Variants in PRKCA observed in about 807,000 individuals in gnomAD.
PRKCA encodes the protein protein kinase C alpha, also known as protein kinase C alpha type.
PRKCA carries 27 observed loss-of-function variants against 87.0 expected under a neutral mutation model. The ratio of observed to expected loss-of-function variants is 0.31; its 90% CI spans 0.23 to 0.43. The LOEUF (loss-of-function observed/expected upper bound fraction) is 0.43, where lower values mean the gene tolerates loss of function less well. PRKCA is among the 20% of genes least tolerant of loss of function. PRKCA has a pLI of 1.00. For missense variants in PRKCA, 518 were observed against 852.3 expected, an observed-to-expected ratio of 0.61 and a Z score of 4.88; for synonymous variants, 329 against 311.1, an observed-to-expected ratio of 1.06 and a Z score of -0.61.
chr17:66,535,489 C>T (rs761449291), intron 3 of PRKCA, among the ~76,000 whole-genome samples: 4 of 152,160 alleles, frequency 2.6e-5, no homozygotes, highest in Non-Finnish European at 5.9e-5. Context: ...ATTCCCCCAC[C>T]CCTGCTGCCA....
At chr17:66,613,521 A>G (rs1970428749) in intron 3 of PRKCA, among the ~76,000 whole-genome samples, 1 of 152,162 alleles carries the variant, frequency 6.6e-6, no homozygotes, top group Admixed American at 6.5e-5. Context: ...TAGAAGTCCA[A>G]AAGACACCCA....
intron 3 of PRKCA, among the ~76,000 whole-genome samples, chr17:66,587,371 T>C (rs1969627963): frequency 6.6e-6 from 1 of 152,206 alleles, no homozygotes; most frequent in Non-Finnish European, 1.5e-5. Context: ...GTTTTACATT[T>C]TATATAAATT....
At chr17:66,439,814 G>A (rs1913626647) in intron 2 of PRKCA, among the ~76,000 whole-genome samples, 1 of 152,206 alleles carries the variant, frequency 6.6e-6, no homozygotes, top group Non-Finnish European at 1.5e-5. Flanking sequence ...AACCTTTTGT[G>A]CATTTTACCT....
At position 66,752,938 on chromosome 17, in the gene PRKCA, G is replaced by A. The variant is rs562844636; in HGVS notation, c.1524+10178G>A. Among the ~76,000 whole-genome samples, 5 of 152,338 alleles carry A rather than the reference G, an allele frequency of 3.3e-5. No individual in the cohort carries two copies. In the East Asian group the frequency reaches 9.6e-4, roughly 29 times the overall value. On this transcript the variant is annotated intron_variant, in intron 13 of 16. Transcript: ENST00000413366. ...GTGAGGACCAGGCAAGAGGGCCCCT[G>A]CCTTGTGTTTTAGAGCAGAGCTGAG... is the stretch of plus-strand genomic sequence containing the variant.
intron 14 of PRKCA, chr17:66,775,269 C>A: frequency 1.0e-6 from 1 of 985,110 alleles, no homozygotes; most frequent in East Asian, 1.2e-4. Context: ...TTCTCCTGTC[C>A]GTCAGCCCTA....
chr17:66,748,092 A>G (rs1974340373), intron 13 of PRKCA, among the ~76,000 whole-genome samples: 1 of 152,214 alleles, frequency 6.6e-6, no homozygotes, highest in Non-Finnish European at 1.5e-5. Flanking sequence ...TGAAATTTCC[A>G]GGGAAGAAGC....
chr17:66,309,063 C>A (rs1904965025), intron 2 of PRKCA, among the ~76,000 whole-genome samples: 1 of 152,138 alleles, frequency 6.6e-6, no homozygotes, highest in Non-Finnish European at 1.5e-5. Flanking sequence ...TGCTTTCTGT[C>A]CACTAGTATG....
rs1302614799 is a variant in PRKCA at position 66,634,323 on chromosome 17, G to C, written c.289-7032G>C. Among the ~76,000 whole-genome samples the C allele has an allele frequency of 2.6e-5, 4 of 152,268 alleles. No individual in the cohort carries two copies. The South Asian group carries it at 6.2e-4, about 24-fold the overall frequency. On this transcript the variant is annotated intron_variant, in intron 3 of 16. Coordinates refer to ENST00000413366, the MANE Select transcript of PRKCA (RefSeq NM_002737.3). ...TCCCAACCACATATATGACAGAAGT[G>C]TCTGAGCTGTATTTTTCCCTCTTTC... is the stretch of plus-strand genomic sequence containing the variant.
intron 8 of PRKCA, among the ~76,000 whole-genome samples, chr17:66,708,364 G>A (rs1973240039): frequency 6.6e-6 from 1 of 152,140 alleles, no homozygotes; most frequent in African/African-American, 2.4e-5. Context: ...GGGACCTCTT[G>A]CAGATGTGTA....
chr17:66,675,934 A>G (rs934301504), intron 5 of PRKCA, among the ~76,000 whole-genome samples: 1 of 152,108 alleles, frequency 6.6e-6, no homozygotes, highest in Non-Finnish European at 1.5e-5. Flanking sequence ...TAGAGGTTCC[A>G]AGTCAGAGCC....
intron 15 of PRKCA, 29 bp from the exon 16 acceptor site, chr17:66,788,810 T>C: frequency 6.2e-7 from 1 of 1,606,594 alleles, no homozygotes. Flanking sequence ...TGACATCCAT[T>C]GTTCTCCTTT....
chr17:66,317,070 A>G (rs1410385110), intron 2 of PRKCA, among the ~76,000 whole-genome samples: 2 of 152,020 alleles, frequency 1.3e-5, no homozygotes, highest in Non-Finnish European at 2.9e-5. Flanking sequence ...TGAACCCGGA[A>G]AGCGGAGCTT....
At chr17:66,577,852 T>C (rs1009779716) in intron 3 of PRKCA, among the ~76,000 whole-genome samples, 2 of 151,414 alleles carry the variant, frequency 1.3e-5, no homozygotes, top group African/African-American at 4.9e-5. Flanking sequence ...GGGTAGGGAG[T>C]GGGGTGCTGC....
intron 13 of PRKCA, among the ~76,000 whole-genome samples, chr17:66,764,869 A>G (rs1974762771): frequency 6.6e-6 from 1 of 152,174 alleles, no homozygotes; most frequent in African/African-American, 2.4e-5. Context: ...ACCTGCTCCT[A>G]TCCCCATAGG....
intron 3 of PRKCA, among the ~76,000 whole-genome samples, chr17:66,576,464 C>G (rs935582428): frequency 1.3e-5 from 2 of 152,332 alleles, no homozygotes; most frequent in East Asian, 1.9e-4. Context: ...CTGGACCAGT[C>G]TATAATTTGA....
intron 2 of PRKCA, among the ~76,000 whole-genome samples, chr17:66,420,912 A>C (rs1912453450): frequency 6.6e-6 from 1 of 152,214 alleles, no homozygotes; most frequent in Non-Finnish European, 1.5e-5. Flanking sequence ...AACCCCCTTC[A>C]CATAATGAGA....
chr17:66,364,789 T>G (rs1296571411), intron 2 of PRKCA, among the ~76,000 whole-genome samples: 4 of 152,218 alleles, frequency 2.6e-5, no homozygotes, highest in African/African-American at 9.6e-5. Flanking sequence ...CTGTTTTCTC[T>G]TTCATTTCCA....
At chr17:66,629,646 C>T (rs994187096) in intron 3 of PRKCA, among the ~76,000 whole-genome samples, 1 of 152,082 alleles carries the variant, frequency 6.6e-6, no homozygotes, top group Non-Finnish European at 1.5e-5. Context: ...GGTATTGGAA[C>T]TAACCAAGTC....
intron 8 of PRKCA, among the ~76,000 whole-genome samples, chr17:66,719,002 A>T (rs1973546705): frequency 6.6e-6 from 1 of 152,188 alleles, no homozygotes; most frequent in Admixed American, 6.5e-5. Flanking sequence ...TCATGGTGAG[A>T]TTAAAATGTC....
Sources: gnomAD v4.1 joint callset for allele counts (sites outside exome capture counted in the v4.1 genomes callset) on GRCh38, gnomAD v4.1.1 for gene constraint, MANE v1.5 for transcripts, NCBI Gene and HGNC (gene_info 2026-07-23, HGNC 2026-07-21) for gene names.